The following PDE4DIP variants were observed in gnomAD, a reference collection of about 807,000 sequenced individuals.
The protein encoded by PDE4DIP is myomegalin.
A neutral mutation model predicts 221.4 loss-of-function variants in PDE4DIP; 59 were observed. That is an observed-to-expected ratio of 0.27 (90% CI 0.22 to 0.33). The LOEUF is 0.33. Among genes scored for constraint, PDE4DIP ranks in the 10% least tolerant of loss-of-function variants. PDE4DIP has a pLI of 1.00. For missense variants in PDE4DIP, 1,036 were observed against 2,154.2 expected (o/e 0.48, Z 10.28); for synonymous variants, 404 against 815.9 (o/e 0.50, Z 8.60).
At chr1:148,944,284 G>C (rs1280823897) in intron 5 of PDE4DIP, among the ~76,000 whole-genome samples, 1 of 152,092 alleles carries the variant, frequency 6.6e-6, no homozygotes, top group Non-Finnish European at 1.5e-5. Context: ...GGTAGTGATA[G>C]AAAAGAATAT....
At chr1:148,922,660 G>A (rs57384656) in intron 1 of PDE4DIP, among the ~76,000 whole-genome samples, 19 of 147,458 alleles carry the variant, frequency 1.3e-4, no homozygotes, top group African/African-American at 4.8e-4. Flanking sequence ...CGATCTCAGC[G>A]CATTGCAAGC....
rs2078238 is a variant in PDE4DIP, at chr1:148,917,121, C to T, written c.142-12076C>T. Among the ~76,000 whole-genome samples, 26 of 150,050 alleles carry T rather than the reference C, an allele frequency of 1.7e-4. 2 individuals carry two copies. The highest frequency in any genetic ancestry group is 6.4e-4 in the South Asian group (3 of 4,672). The stretch of plus-strand genomic sequence containing the variant: ...GAATGTCCTGGGGAGGGGAGAGAAT[C>T]GCTGAGATCATGGGTATTTATGTGT... On this transcript the variant is annotated intron_variant, in intron 1 of 43. Transcript: ENST00000369354.
intron 32 of PDE4DIP, among the ~76,000 whole-genome samples, 153 bp downstream of exon 35, chr1:149,012,929 A>G (rs1335605785): frequency 6.6e-6 from 1 of 151,342 alleles, no homozygotes; most frequent in African/African-American, 2.4e-5. Flanking sequence ...TATTTTTTGG[A>G]AATGTATTTA....
At chr1:149,012,753 T>C in exon 32 of PDE4DIP, 1 of 1,609,666 alleles carries the variant, frequency 6.2e-7, no homozygotes, top group Non-Finnish European at 8.5e-7. Flanking sequence ...GAGCTACAGA[T>C]GCTGCAGAAG....
At chr1:148,979,740 C>T in exon 20 of PDE4DIP, 3 of 1,612,720 alleles carry the variant, frequency 1.9e-6, no homozygotes, top group South Asian at 1.1e-5. Flanking sequence ...TACTCAGTTG[C>T]TGCTGATGCT....
At chr1:149,022,496 A>G (rs1553620778) in intron 37 of PDE4DIP, among the ~76,000 whole-genome samples, 1 of 152,280 alleles carries the variant, frequency 6.6e-6, no homozygotes, top group African/African-American at 2.4e-5. Context: ...ATTATCATAA[A>G]TCCTGATTTA....
At chr1:148,965,522 G>T (rs374903451) in exon 10 of PDE4DIP, 1 of 1,613,178 alleles carries the variant, frequency 6.2e-7, no homozygotes, top group East Asian at 2.2e-5. Flanking sequence ...AAGAAGAATT[G>T]CAGAATAAGA....
At chr1:148,978,350 C>T (rs782667579) in exon 19 of PDE4DIP, 1 of 1,612,230 alleles carries the variant, frequency 6.2e-7, no homozygotes, top group Admixed American at 1.7e-5. Flanking sequence ...AGTCTTACTT[C>T]TTCGGGAAAA....
At chr1:148,976,630 T>C (rs2060221632) in intron 17 of PDE4DIP, among the ~76,000 whole-genome samples, 3 of 152,222 alleles carry the variant, frequency 2.0e-5, no homozygotes, top group Admixed American at 6.5e-5. Flanking sequence ...AGTTAATTTC[T>C]ATTGGGGAGA....
chr1:148,979,061 A>G (rs2060674421), intron 19 of PDE4DIP, among the ~76,000 whole-genome samples: 1 of 151,680 alleles, frequency 6.6e-6, no homozygotes, highest in Admixed American at 6.6e-5. Context: ...AGAGAAAGAA[A>G]CCCCTACATT....
exon 28 of PDE4DIP, chr1:149,007,289 A>G: frequency 6.2e-7 from 1 of 1,607,500 alleles, no homozygotes; most frequent in Non-Finnish European, 8.5e-7. Context: ...TTGTTATCTT[A>G]TCACCCGGCA....
At chr1:148,922,648 C>T (rs1165656995) in intron 1 of PDE4DIP, among the ~76,000 whole-genome samples, 1 of 148,948 alleles carries the variant, frequency 6.7e-6, no homozygotes, top group Non-Finnish European at 1.5e-5. Flanking sequence ...AGTGCAGTGG[C>T]GCGATCTCAG....
At chr1:148,813,819 CTGTT>C (rs1157033297) in intron 1 of PDE4DIP, among the ~76,000 whole-genome samples, 1 of 119,040 alleles carries the variant, frequency 8.4e-6, no homozygotes, top group Non-Finnish European at 1.7e-5. Context: ...TGTTCTAACA[CTGTT>C]TGTTAAGAGC....
At chr1:148,919,930 G>A (rs1262363739) in intron 1 of PDE4DIP, among the ~76,000 whole-genome samples, 2 of 143,222 alleles carry the variant, frequency 1.4e-5, no homozygotes, top group Non-Finnish European at 3.0e-5. Flanking sequence ...TTGCAAAGGT[G>A]CAGTACCCAT....
exon 34 of PDE4DIP, chr1:149,017,843 C>T (rs782585583): frequency 5.0e-6 from 8 of 1,613,532 alleles, no homozygotes; most frequent in African/African-American, 4.0e-5. Context: ...ACGGGAGCAA[C>T]TGGAACACCG....
chr1:148,991,591 T>A (rs1290446925), intron 21 of PDE4DIP: 3 of 978,368 alleles, frequency 3.1e-6, no homozygotes, highest in Non-Finnish European at 3.6e-6. Context: ...CAGGCTTTCT[T>A]GACATTCGAG....
chr1:149,024,138 C>G (rs1363009336), intron 37 of PDE4DIP: 2 of 219,632 alleles, frequency 9.1e-6, no homozygotes, highest in Non-Finnish European at 1.8e-5. Flanking sequence ...TTGGAGTATC[C>G]TATACTTTAG....
intron 1 of PDE4DIP, among the ~76,000 whole-genome samples, chr1:148,902,717 CATATATA>C (rs2040896993): frequency 1.5e-5 from 1 of 66,396 alleles, no homozygotes; most frequent in Non-Finnish European, 2.5e-5. Context: ...AGTATTCTAT[CATATATA>C]TATATATATA....
intron 5 of PDE4DIP, among the ~76,000 whole-genome samples, chr1:148,951,418 C>T (rs1195021158): frequency 6.6e-6 from 1 of 151,316 alleles, no homozygotes; most frequent in African/African-American, 2.4e-5. Context: ...AGTTTTGGAC[C>T]CAAGGGTGGA....
Sources: gnomAD v4.1 joint callset for allele counts (sites outside exome capture counted in the v4.1 genomes callset) on GRCh38, gnomAD v4.1.1 for gene constraint, MANE v1.5 for transcripts, NCBI Gene and HGNC (gene_info 2026-07-23, HGNC 2026-07-21) for gene names.